RBFOX3: variants seen among roughly 807,000 people sequenced by gnomAD.
The protein encoded by RBFOX3 is RNA binding fox-1 homolog 3, also known as RNA binding protein fox-1 homolog 3.
RBFOX3 carries 17 observed loss-of-function variants against 48.7 expected under a neutral mutation model. The ratio of observed to expected loss-of-function variants is 0.35; its 90% confidence interval spans 0.24 to 0.52. The LOEUF (loss-of-function observed/expected upper bound fraction) is 0.52, where lower values mean the gene tolerates loss of function less well. RBFOX3 is among the 20% of genes least tolerant of loss of function. The probability of loss-of-function intolerance (pLI) is 0.94; values close to 1 mark genes in which losing one functional copy is unlikely to be tolerated. For missense variants in RBFOX3, 382 were observed against 497.5 expected, an observed-to-expected ratio of 0.77 and a Z score of 2.21; for synonymous variants, 212 against 209.5, an observed-to-expected ratio of 1.01 and a Z score of -0.10.
intron 1 of RBFOX3, among the ~76,000 whole-genome samples, chr17:79,573,535 G>A (rs1333519497): frequency 2.0e-5 from 3 of 152,202 alleles, no homozygotes; most frequent in East Asian, 1.9e-4. Flanking sequence ...GGCCCTTCAA[G>A]GCTTTCACCC....
intron 3 of RBFOX3, among the ~76,000 whole-genome samples, chr17:79,246,168 C>A (rs1412611163): frequency 6.6e-6 from 1 of 152,150 alleles, no homozygotes; most frequent in Admixed American, 6.5e-5. Context: ...CAATGGAAAA[C>A]CATCTATAGA....
chr17:79,223,304 C>A (rs948066149), intron 4 of RBFOX3, among the ~76,000 whole-genome samples: 1 of 152,176 alleles, frequency 6.6e-6, no homozygotes, highest in Non-Finnish European at 1.5e-5. Flanking sequence ...TGCCCTGATA[C>A]CCCTGCACAC....
At chr17:79,645,148 C>T in the RBFOX3 span, among the ~76,000 whole-genome samples, 12 of 152,122 alleles carry the variant, frequency 7.9e-5, no homozygotes, top group African/African-American at 2.7e-4. Context: ...CCTGGGCCAT[C>T]GTGAAGCCCC....
the RBFOX3 span, among the ~76,000 whole-genome samples, chr17:79,642,922 TAG>T: frequency 6.6e-6 from 1 of 152,090 alleles, no homozygotes; most frequent in Non-Finnish European, 1.5e-5. Context: ...CTGAGCAACA[TAG>T]AGAGACCTCG....
intron 2 of RBFOX3, among the ~76,000 whole-genome samples, chr17:79,372,044 C>G (rs930568488): frequency 6.6e-6 from 1 of 152,136 alleles, no homozygotes; most frequent in Non-Finnish European, 1.5e-5. Flanking sequence ...AGACCCTCCT[C>G]GCAGACGCTT....
chr17:79,577,177 G>T (rs1052018683), intron 1 of RBFOX3, among the ~76,000 whole-genome samples: 1 of 152,158 alleles, frequency 6.6e-6, no homozygotes, highest in African/African-American at 2.4e-5. Flanking sequence ...GCCAGTGCAG[G>T]ACGTGTCTGT....
chr17:79,238,737 G>A (rs1372451773), intron 3 of RBFOX3, among the ~76,000 whole-genome samples: 1 of 152,222 alleles, frequency 6.6e-6, no homozygotes. Flanking sequence ...ACGTACGAGT[G>A]TCTTTATTTA....
At chr17:79,211,913 T>C (rs986095619) in intron 4 of RBFOX3, among the ~76,000 whole-genome samples, 7 of 152,134 alleles carry the variant, frequency 4.6e-5, no homozygotes, top group African/African-American at 1.7e-4. Context: ...GGCTGACTGC[T>C]GGGCACGGGG....
At chr17:79,168,006 C>T (rs1472761304) in intron 4 of RBFOX3, among the ~76,000 whole-genome samples, 2 of 152,246 alleles carry the variant, frequency 1.3e-5, no homozygotes, top group Non-Finnish European at 1.5e-5. Context: ...GGGTCCCCGG[C>T]TGGACCCCAG....
chr17:79,092,853 G>A (rs2074237309), intron 14 of RBFOX3, among the ~76,000 whole-genome samples: 1 of 152,312 alleles, frequency 6.6e-6, no homozygotes, highest in African/African-American at 2.4e-5. Context: ...GGCCAGTGTG[G>A]GGTGCTCTGG....
the RBFOX3 span, among the ~76,000 whole-genome samples, chr17:79,641,730 A>G: frequency 1.3e-5 from 2 of 152,228 alleles, no homozygotes; most frequent in African/African-American, 4.8e-5. Flanking sequence ...CTAATCCCCA[A>G]TGTTGGAGGA....
At chr17:79,097,668 T>TCCCCCCCCCC in intron 10 of RBFOX3, 24 bp downstream of exon 10, 1 of 1,010,926 alleles carries the variant, frequency 9.9e-7, no homozygotes, top group Non-Finnish European at 1.4e-6. Context: ...TCTCATCCCA[T>TCCCCCCCCCC]CCCCGCCCCG....
At chr17:79,184,400 C>T (rs898511941) in intron 4 of RBFOX3, among the ~76,000 whole-genome samples, 1 of 152,240 alleles carries the variant, frequency 6.6e-6, no homozygotes, top group African/African-American at 2.4e-5. Flanking sequence ...CATAGGTCCC[C>T]ACCTCCTTGC....
chr17:79,207,087 TTC>T (rs765093406), intron 4 of RBFOX3, among the ~76,000 whole-genome samples: 4 of 152,218 alleles, frequency 2.6e-5, no homozygotes, highest in Admixed American at 6.5e-5. Flanking sequence ...CATGCAAGTT[TTC>T]TCTGTTTGCC....
intron 2 of RBFOX3, among the ~76,000 whole-genome samples, chr17:79,378,654 C>T (rs1430455918): frequency 6.6e-6 from 1 of 152,166 alleles, no homozygotes; most frequent in Non-Finnish European, 1.5e-5. Context: ...CTCTCGCTCT[C>T]CTGCTCTGCA....
intron 4 of RBFOX3, among the ~76,000 whole-genome samples, chr17:79,226,825 G>GT (rs1363875608): frequency 6.6e-6 from 1 of 152,230 alleles, no homozygotes; most frequent in African/African-American, 2.4e-5. Context: ...GCATTTGCAG[G>GT]TATGTGAGTT....
intron 3 of RBFOX3, among the ~76,000 whole-genome samples, chr17:79,238,410 G>C (rs181307210): frequency 6.6e-6 from 1 of 152,178 alleles, no homozygotes; most frequent in African/African-American, 2.4e-5. Context: ...AGGCAGGCTC[G>C]GGCCCATGGG....
At chr17:79,142,669 G>A (rs2042141192) in intron 4 of RBFOX3, among the ~76,000 whole-genome samples, 1 of 152,162 alleles carries the variant, frequency 6.6e-6, no homozygotes, top group East Asian at 1.9e-4. Context: ...GGCCAGCTGG[G>A]GGGTGCCGGG....
At chr17:79,506,839 A>G (rs1039267254) in intron 1 of RBFOX3, among the ~76,000 whole-genome samples, 2 of 152,202 alleles carry the variant, frequency 1.3e-5, no homozygotes, top group Non-Finnish European at 2.9e-5. Context: ...GACGCAGCCC[A>G]GCTGGGAAGC....
Sources: allele counts gnomAD v4.1 joint callset (sites outside exome capture counted in the v4.1 genomes callset), GRCh38; gene constraint gnomAD v4.1.1; transcripts MANE v1.5; gene names NCBI Gene and HGNC (gene_info 2026-07-23, HGNC 2026-07-21).